FNDC3B: variants seen among roughly 807,000 people sequenced by gnomAD.
FNDC3B encodes fibronectin type III domain containing 3B, also known as fibronectin type III domain-containing protein 3B.
FNDC3B carries 12 observed loss-of-function variants against 151.5 expected under a neutral mutation model. The ratio of observed to expected loss-of-function variants is 0.08; its 90% CI spans 0.05 to 0.13. The LOEUF (loss-of-function observed/expected upper bound fraction) is 0.13, where lower values mean the gene tolerates loss of function less well. FNDC3B is among the 10% of genes least tolerant of loss of function. The pLI is 1.00. For missense variants in FNDC3B, 1,214 were observed against 1,505.3 expected (o/e 0.81, Z 3.20); for synonymous variants, 528 against 549.0 (o/e 0.96, Z 0.54).
At chr3:172,187,023 T>C (rs1724222782) in intron 3 of FNDC3B, 3 of 354,036 alleles carry the variant, frequency 8.5e-6, no homozygotes, top group South Asian at 1.3e-4. Context: ...ATGATGCTTA[T>C]TAGTCCACCT....
chr3:172,120,023 C>G (rs996728119), intron 2 of FNDC3B, among the ~76,000 whole-genome samples: 4 of 152,260 alleles, frequency 2.6e-5, no homozygotes, highest in Middle Eastern at 3.4e-3. Context: ...CAAAAGCTTC[C>G]AAAAAGGCAT....
chr3:172,194,076 T>C (rs1414274351), intron 3 of FNDC3B, among the ~76,000 whole-genome samples: 4 of 151,744 alleles, frequency 2.6e-5, no homozygotes, highest in South Asian at 2.1e-4. Context: ...AAAAATTAGC[T>C]GGGCGAGGTG....
At chr3:172,316,542 TA>T (rs932664744) in intron 11 of FNDC3B, 1 of 396,016 alleles carries the variant, frequency 2.5e-6, no homozygotes, top group African/African-American at 2.1e-5. Flanking sequence ...GAGTGAATTT[TA>T]ATGGGCAAAT....
intron 3 of FNDC3B, among the ~76,000 whole-genome samples, chr3:172,215,942 T>TTAACAAGTTTGTCTTTTAAC (rs752797467): frequency 6.6e-6 from 1 of 152,140 alleles, no homozygotes; most frequent in African/African-American, 2.4e-5. Context: ...AGGATACCAC[T>TTAACAAGTTTGTCTTTTAAC]AGGAGTCATG....
At chr3:172,107,181 T>C (rs902274835) in intron 1 of FNDC3B, among the ~76,000 whole-genome samples, 5 of 152,148 alleles carry the variant, frequency 3.3e-5, no homozygotes, top group African/African-American at 1.2e-4. Flanking sequence ...TGTGAAGCAC[T>C]TGCGGTTTTA....
At position 172,399,128 on chromosome 3, in the gene FNDC3B, C is replaced by T. The variant is rs539584977; in HGVS notation, c.*1653C>T. 182 of 152,664 alleles carry T rather than the reference C, an allele frequency of 1.2e-3. No individual in the cohort carries two copies. Among genetic ancestry groups the T allele is most frequent in the African/African-American group, 4.2e-3 (174 of 41,540 alleles). 9.5% of individuals were successfully genotyped at this position (152,664 alleles called of 1,614,324 possible). On this transcript the variant is annotated 3_prime_UTR_variant, in exon 26 of 26. Transcript: ENST00000415807. Reference sequence around the variant, plus strand: ...TTCCCATACCAAAGTCATGGGGAAACAAACATTATTTTGTTTTTGGTTTAT... The same window carrying T: ...TTCCCATACCAAAGTCATGGGGAAATAAACATTATTTTGTTTTTGGTTTAT...
At chr3:172,254,596 C>G (rs1728240766) in intron 6 of FNDC3B, among the ~76,000 whole-genome samples, 1 of 152,116 alleles carries the variant, frequency 6.6e-6, no homozygotes. Flanking sequence ...CCAGAGTAAG[C>G]CTTCTTTTTG....
intron 1 of FNDC3B, among the ~76,000 whole-genome samples, chr3:172,100,111 CT>C (rs753483057): frequency 6.6e-6 from 1 of 152,114 alleles, no homozygotes; most frequent in Non-Finnish European, 1.5e-5. Flanking sequence ...GAGAACATGC[CT>C]TTTATACCAA....
intron 1 of FNDC3B, among the ~76,000 whole-genome samples, chr3:172,044,914 C>A (rs538734218): frequency 6.6e-6 from 1 of 152,296 alleles, no homozygotes; most frequent in East Asian, 1.9e-4. Flanking sequence ...ATCAGAATAT[C>A]TCCTCTGTCA....
At chr3:172,282,405 A>G (rs947967669) in intron 6 of FNDC3B, among the ~76,000 whole-genome samples, 1 of 152,204 alleles carries the variant, frequency 6.6e-6, no homozygotes, top group African/African-American at 2.4e-5. Context: ...TTCTCCTAAC[A>G]TGAGGGGCTA....
intron 1 of FNDC3B, among the ~76,000 whole-genome samples, chr3:172,077,751 C>A (rs1718086938): frequency 6.6e-6 from 1 of 152,082 alleles, no homozygotes. Flanking sequence ...AACTTGAATG[C>A]TTTTAAGTTG....
At chr3:172,302,959 G>A (rs1431433136) in intron 9 of FNDC3B, 1 of 151,722 alleles carries the variant, frequency 6.6e-6, no homozygotes, top group African/African-American at 2.4e-5. Context: ...AAGAGATTGT[G>A]TGGAGAAATG....
intron 2 of FNDC3B, among the ~76,000 whole-genome samples, chr3:172,124,218 G>A (rs377159381): frequency 1.3e-5 from 2 of 152,136 alleles, no homozygotes; most frequent in Non-Finnish European, 2.9e-5. Context: ...AGCCTCCCAA[G>A]TAGCTGGGAT....
intron 22 of FNDC3B, among the ~76,000 whole-genome samples, chr3:172,358,040 C>G (rs1023942237): frequency 3.3e-5 from 5 of 152,148 alleles, no homozygotes; most frequent in African/African-American, 1.2e-4. Context: ...GGATTTGTAA[C>G]CATATTTGGC....
chr3:172,124,657 A>AG (rs1161018522), intron 2 of FNDC3B, among the ~76,000 whole-genome samples: 1 of 152,254 alleles, frequency 6.6e-6, no homozygotes, highest in African/African-American at 2.4e-5. Flanking sequence ...CTCAAACTTA[A>AG]GTGCTACTTT....
chr3:172,214,286 G>A (rs1041800499), intron 3 of FNDC3B, among the ~76,000 whole-genome samples: 20 of 152,204 alleles, frequency 1.3e-4, no homozygotes, highest in African/African-American at 2.2e-4. Flanking sequence ...TTTACTTTCC[G>A]GACCCCTTCT....
intron 1 of FNDC3B, among the ~76,000 whole-genome samples, chr3:172,063,170 G>A (rs535163418): frequency 1.1e-4 from 16 of 152,026 alleles, no homozygotes; most frequent in African/African-American, 3.9e-4. Context: ...TTCTTCAAAT[G>A]TTCCACAGTT....
chr3:172,203,034 CTGAG>C (rs1725237608), intron 3 of FNDC3B, among the ~76,000 whole-genome samples: 1 of 152,086 alleles, frequency 6.6e-6, no homozygotes, highest in African/African-American at 2.4e-5. Flanking sequence ...AGTAGTTTTC[CTGAG>C]TGTTTGTCCT....
chr3:172,071,414 T>A (rs1388552840), intron 1 of FNDC3B, among the ~76,000 whole-genome samples: 1 of 152,148 alleles, frequency 6.6e-6, no homozygotes, highest in Non-Finnish European at 1.5e-5. Context: ...AGTAAATGGT[T>A]TTATGGGCTC....
Sources: allele counts gnomAD v4.1 joint callset (sites outside exome capture counted in the v4.1 genomes callset), GRCh38; gene constraint gnomAD v4.1.1; transcripts MANE v1.5; gene names NCBI Gene and HGNC (gene_info 2026-07-23, HGNC 2026-07-21).